ABCC5: variants seen among roughly 807,000 people sequenced by gnomAD.
The protein encoded by ABCC5 is ATP-binding cassette sub-family C member 5.
A neutral mutation model predicts 160.9 loss-of-function variants in ABCC5; 61 were observed. The observed-to-expected ratio is 0.38, with a 90% confidence interval of 0.31 to 0.47. The LOEUF is 0.47. Ranked by LOEUF, ABCC5 falls within the 20% of genes least tolerant of loss-of-function variation. The probability of loss-of-function intolerance (pLI) is 0.99; values close to 1 mark genes in which losing one functional copy is unlikely to be tolerated. For missense variants in ABCC5, 1,308 were observed against 1,813.3 expected, an observed-to-expected ratio of 0.72 and a Z score of 5.06; for synonymous variants, 666 against 700.6, an observed-to-expected ratio of 0.95 and a Z score of 0.78.
intron 2 of ABCC5, among the ~76,000 whole-genome samples, chr3:184,012,415 C>T (rs1328121468): frequency 2.0e-5 from 3 of 152,086 alleles, no homozygotes; most frequent in Non-Finnish European, 2.9e-5. Context: ...TGCCAGGTAC[C>T]ATTTTAAATA....
intron 28 of ABCC5, among the ~76,000 whole-genome samples, chr3:183,927,035 C>T (rs1712647234): frequency 6.6e-6 from 1 of 151,326 alleles, no homozygotes; most frequent in South Asian, 2.1e-4. Context: ...CAGAGCAAGA[C>T]TCCGTCTCAA....
intron 11 of ABCC5, among the ~76,000 whole-genome samples, chr3:183,970,285 C>T (rs1262286578): frequency 6.6e-6 from 1 of 152,152 alleles, no homozygotes; most frequent in African/African-American, 2.4e-5. Flanking sequence ...CCGGAATGTT[C>T]TTCCCCACCC....
chr3:183,926,466 C>T (rs922470827), intron 28 of ABCC5, among the ~76,000 whole-genome samples: 12 of 151,710 alleles, frequency 7.9e-5, no homozygotes, highest in African/African-American at 1.2e-4. Context: ...AAGAGAATCG[C>T]GCGAATCCAG....
chr3:183,982,946 C>T lies in ABCC5; in HGVS notation c.653G>A (p.Ser218Asn), dbSNP rs753039689. ...TQATESNLQYSLLLVLGLLLT... is the reference protein window; with the variant it reads ...TQATESNLQYNLLLVLGLLLT... ...GAGGAGGCCCAGCACTAACAACAAG[C>T]TGTACTGCAGGTTAGACTCTGTTGC... Residue 218 changes from serine (S) to asparagine (N), a missense_variant, in exon 6 of 30, where the codon AGC becomes AAC. Ser to Asn is a conservative substitution (Grantham distance 46). Coordinates refer to ENST00000334444, the MANE Select transcript of ABCC5 (RefSeq NM_005688.4). This position sits in a 1 kb window ranked among gnomAD's most constrained non-coding sequence, Gnocchi z 5.2. 6.2e-7 allele frequency: 1 copy of T among 1,614,130 alleles called. No homozygotes were observed. Among genetic ancestry groups the T allele is most frequent in the Non-Finnish European group, 8.5e-7 (1 of 1,180,058 alleles).
chr3:183,937,211 T>C (rs1478528487), intron 26 of ABCC5, among the ~76,000 whole-genome samples: 1 of 151,944 alleles, frequency 6.6e-6, no homozygotes. Flanking sequence ...ACCTCATCTC[T>C]ACTAAAAATA....
In ABCC5 at chr3:183,987,266, A is replaced by G; in HGVS notation, c.591+504T>C. On this transcript the variant is annotated intron_variant, in intron 5 of 29. Transcript: ENST00000334444. This position sits in a 1 kb window ranked among gnomAD's most constrained non-coding sequence, Gnocchi z 4.2. Reference sequence around the variant, plus strand: ...CCAACACTTGCCACACAGTCACACTATAAGCCAAACTTAAACGGACTCCAG... The same window carrying G: ...CCAACACTTGCCACACAGTCACACTGTAAGCCAAACTTAAACGGACTCCAG... The G allele has an allele frequency of 4.4e-6, 1 of 226,898 alleles. No individual in the cohort carries two copies. The highest frequency in any genetic ancestry group is 8.8e-6 in the Non-Finnish European group (1 of 113,812). 14.1% of individuals were successfully genotyped at this position (226,898 alleles called of 1,614,324 possible).
chr3:183,957,800 G>A (rs1240377474), intron 17 of ABCC5, among the ~76,000 whole-genome samples: 218 of 150,962 alleles, frequency 1.4e-3, no homozygotes, highest in Admixed American at 5.7e-3. Flanking sequence ...ATATCACATC[G>A]GTTACACGCA....
intron 2 of ABCC5, among the ~76,000 whole-genome samples, chr3:183,994,855 G>GTTTTT (rs71632005): frequency 1.4e-3 from 149 of 109,722 alleles, no homozygotes; most frequent in Non-Finnish European, 2.5e-3. Flanking sequence ...CATTTTCTAT[G>GTTTTT]TTTTTTTTTT....
chr3:183,992,066 A>G (rs1202113993), intron 2 of ABCC5, among the ~76,000 whole-genome samples: 6 of 152,254 alleles, frequency 3.9e-5, no homozygotes, highest in Non-Finnish European at 8.8e-5. Context: ...ACATTGGGCT[A>G]TAAAGCAAAC....
At position 183,987,611 on chromosome 3, in the gene ABCC5, G is replaced by A; in HGVS notation, c.591+159C>T. On this transcript the variant is annotated intron_variant, in intron 5 of 29. Transcript: ENST00000334444. This position sits in a 1 kb window ranked among gnomAD's most constrained non-coding sequence, Gnocchi z 4.2. ...ACACTGCCCTTTCATCCTTCCAGCT[G>A]TTGCCAAAATCCATCGACCCCTTTC... 1 of 960,860 alleles carries A rather than the reference G, an allele frequency of 1.0e-6. No individual in the cohort carries two copies. The highest frequency in any genetic ancestry group is 1.6e-6 in the Non-Finnish European group (1 of 623,704). The allele number at this position is 960,860 out of a possible 1,614,324, so 59.5% of individuals were successfully genotyped here.
chr3:184,015,176 A>G (rs1217265770), intron 1 of ABCC5, among the ~76,000 whole-genome samples: 1 of 152,242 alleles, frequency 6.6e-6, no homozygotes, highest in Non-Finnish European at 1.5e-5. Context: ...TTAGTAAAAA[A>G]CAATAACAAA....
At chr3:183,980,067 G>A (rs1385880645) in intron 8 of ABCC5, among the ~76,000 whole-genome samples, 2 of 152,136 alleles carry the variant, frequency 1.3e-5, no homozygotes, top group Admixed American at 1.3e-4. Context: ...TAGAGACGGG[G>A]TTTTGCCATT....
chr3:183,947,830 T>G (rs1417393322), intron 22 of ABCC5, among the ~76,000 whole-genome samples: 3 of 152,144 alleles, frequency 2.0e-5, no homozygotes, highest in Non-Finnish European at 4.4e-5. Context: ...GAGGCTTGTG[T>G]TAAACTTTAG....
In ABCC5 at chr3:183,982,326, T is replaced by G; in HGVS notation, c.999+125A>C. ...GAGCAAGCACTATCGAGCTCTAGAT[T>G]GAACCTGCTTTGAGGAAATTTCCAA... On this transcript the variant is annotated intron_variant, in intron 7 of 29. Transcript: ENST00000334444. The surrounding 1 kb of genome is among the most constrained non-coding windows in gnomAD (Gnocchi z 5.2). 9.0e-7 allele frequency: 1 copy of G among 1,110,312 alleles called. No homozygotes were observed. Among genetic ancestry groups the G allele is most frequent in the South Asian group, 1.6e-5 (1 of 60,680 alleles). The allele number at this position is 1,110,312 out of a possible 1,614,324, so 68.8% of individuals were successfully genotyped here.
At chr3:183,980,495 T>C (rs1163453837) in intron 8 of ABCC5, among the ~76,000 whole-genome samples, 1 of 152,200 alleles carries the variant, frequency 6.6e-6, no homozygotes, top group East Asian at 1.9e-4. Flanking sequence ...CAGATGTCCA[T>C]TCAGAATCCA....
At position 183,971,597 on chromosome 3, in the gene ABCC5, C is replaced by T. The variant is rs1211387739; in HGVS notation, c.1727G>A (p.Arg576Lys). The change falls in exon 11 of 30, where the codon AGG becomes AAG. Residue 576 changes from arginine (R) to lysine (K), a missense_variant. Transcript: ENST00000334444. The stretch of plus-strand genomic sequence containing the variant: ...CTCCAGATCGATGCTGTGCAGTGTC[C>T]TCTGTAAGCGCAGGTGGCCCAGGTG... The part of the protein sequence containing the change: ...HIHLGHLRLQ[R>K]TLHSIDLEIQ... 6 of 1,613,960 alleles carry T rather than the reference C, an allele frequency of 3.7e-6. No homozygotes were observed. In the Admixed American group the frequency reaches 6.7e-5, roughly 18 times the overall value.
In ABCC5 at chr3:183,921,861, C is replaced by T. The variant is rs1004735271; in HGVS notation, c.4213-460G>A. ...CCTGGCCAACATGGTGAAACCCTGT[C>T]TCTACTAAATATACAAAAATTAGCT... On this transcript the variant is annotated intron_variant, in intron 29 of 29. Coordinates refer to ENST00000334444, the MANE Select transcript of ABCC5 (RefSeq NM_005688.4). The surrounding 1 kb of genome is among the most constrained non-coding windows in gnomAD (Gnocchi z 4.1). Among the ~76,000 whole-genome samples, 2 of 151,746 alleles carry T rather than the reference C, an allele frequency of 1.3e-5. No individual in the cohort carries two copies. Among genetic ancestry groups the T allele is most frequent in the Non-Finnish European group, 2.9e-5 (2 of 67,968 alleles).
Position 183,987,691 on chromosome 3 carries a change from C to A in ABCC5, c.591+79G>T. The A allele has an allele frequency of 6.3e-7, 1 of 1,595,616 alleles. No individual in the cohort carries two copies. The highest frequency in any genetic ancestry group is 1.7e-5 in the Admixed American group (1 of 58,334). On this transcript the variant is annotated intron_variant, in intron 5 of 29. Transcript: ENST00000334444. The surrounding 1 kb of genome is among the most constrained non-coding windows in gnomAD (Gnocchi z 4.2). ...TACCTAGCCCAAAGCTGAGCACAAC[C>A]TCTGCAACAGAATAAGAGTGTTAGA...
intron 25 of ABCC5, among the ~76,000 whole-genome samples, chr3:183,941,755 C>T (rs1414984963): frequency 2.6e-5 from 4 of 151,910 alleles, no homozygotes; most frequent in East Asian, 1.9e-4. Context: ...GAGGCTGAGG[C>T]GGGTGGATCA....
Sources: gnomAD v4.1 joint callset for allele counts (sites outside exome capture counted in the v4.1 genomes callset) on GRCh38, gnomAD v4.1.1 for gene constraint, Gnocchi (gnomAD v3.1) non-coding constraint, MANE v1.5 for transcripts, NCBI Gene and HGNC (gene_info 2026-07-23, HGNC 2026-07-21) for gene names.